The following FRMD4A variants were observed in gnomAD, a reference collection of about 807,000 sequenced individuals.
FRMD4A encodes FERM domain containing 4A.
In FRMD4A, 29 loss-of-function variants were observed where a neutral mutation model predicts 129.1. The ratio of observed to expected loss-of-function variants is 0.22; its 90% CI spans 0.17 to 0.31. The LOEUF (loss-of-function observed/expected upper bound fraction) is 0.31. Among genes scored for constraint, FRMD4A ranks in the 10% least tolerant of loss-of-function variants. The pLI is 1.00. For synonymous variants in FRMD4A, 634 were observed against 571.6 expected (o/e 1.11, Z -1.56); for missense variants, 1,272 against 1,375.8 (o/e 0.92, Z 1.19).
chr10:13,885,883 T>C (rs1050011987), intron 2 of FRMD4A, among the ~76,000 whole-genome samples: 3 of 152,180 alleles, frequency 2.0e-5, no homozygotes, highest in Non-Finnish European at 4.4e-5. Context: ...GTCTACTTCA[T>C]GTCCTCATCA....
At chr10:13,931,775 TAAA>T (rs59824238) in intron 2 of FRMD4A, among the ~76,000 whole-genome samples, 2 of 129,282 alleles carry the variant, frequency 1.5e-5, no homozygotes, top group Admixed American at 8.1e-5. Flanking sequence ...TCATCTTTAC[TAAA>T]AAAAAAAAAA....
intron 2 of FRMD4A, among the ~76,000 whole-genome samples, chr10:14,021,268 G>A (rs1183280098): frequency 3.9e-5 from 6 of 151,954 alleles, no homozygotes; most frequent in Admixed American, 3.9e-4. Context: ...GTCCAGACAT[G>A]GTGGCTCACA....
intron 16 of FRMD4A, among the ~76,000 whole-genome samples, chr10:13,672,761 T>G (rs1373804763): frequency 6.6e-6 from 1 of 152,162 alleles, no homozygotes; most frequent in African/African-American, 2.4e-5. Flanking sequence ...GCAGCGCGTC[T>G]TGATACTCTG....
intron 2 of FRMD4A, among the ~76,000 whole-genome samples, chr10:14,222,693 G>A (rs941738043): frequency 6.6e-6 from 1 of 152,110 alleles, no homozygotes; most frequent in African/African-American, 2.4e-5. Flanking sequence ...TCAGGCCATG[G>A]TATTGAGTAG....
intron 4 of FRMD4A, among the ~76,000 whole-genome samples, chr10:13,807,631 TA>T (rs2093377797): frequency 6.6e-6 from 1 of 152,188 alleles, no homozygotes; most frequent in Admixed American, 6.5e-5. Flanking sequence ...GAATACAACT[TA>T]TGGAGTGAGA....
intron 24 of FRMD4A, chr10:13,648,294 A>T (rs74566564): frequency 6.6e-6 from 1 of 152,124 alleles, no homozygotes; most frequent in Non-Finnish European, 1.5e-5. Flanking sequence ...TGGTATGTGG[A>T]TGATTCTGGG....
intron 2 of FRMD4A, among the ~76,000 whole-genome samples, chr10:14,098,053 A>C (rs1837088755): frequency 7.1e-6 from 1 of 141,726 alleles, no homozygotes; most frequent in Non-Finnish European, 1.5e-5. Flanking sequence ...ATTATTTATT[A>C]TATAAATTAT....
intron 4 of FRMD4A, among the ~76,000 whole-genome samples, chr10:13,797,339 C>T (rs577547382): frequency 2.0e-5 from 3 of 152,298 alleles, no homozygotes; most frequent in South Asian, 2.1e-4. Context: ...TGTCTGAAAA[C>T]GTTAAACTTA....
chr10:14,022,803 T>C (rs897529880), intron 2 of FRMD4A, among the ~76,000 whole-genome samples: 1 of 152,116 alleles, frequency 6.6e-6, no homozygotes, highest in African/African-American at 2.4e-5. Context: ...GGAGTGCATC[T>C]TGGAGCTGGG....
chr10:14,063,382 G>T (rs1419793963), intron 2 of FRMD4A, among the ~76,000 whole-genome samples: 1 of 151,992 alleles, frequency 6.6e-6, no homozygotes, highest in Admixed American at 6.6e-5. Flanking sequence ...CCAGACATTT[G>T]CTGTGCCATT....
intron 2 of FRMD4A, among the ~76,000 whole-genome samples, chr10:14,304,116 C>T (rs1218477): frequency 0.18 from 26,919 of 152,156 alleles, 3,151 homozygotes; most frequent in African/African-American, 0.33. Flanking sequence ...AATATCTCAA[C>T]ATCCTGCTTT....
chr10:13,785,386 C>G (rs2130789780), intron 5 of FRMD4A, among the ~76,000 whole-genome samples: 1 of 152,198 alleles, frequency 6.6e-6, no homozygotes, highest in South Asian at 2.1e-4. Context: ...GCCCATAACC[C>G]CTGCCCCTGC....
intron 2 of FRMD4A, among the ~76,000 whole-genome samples, chr10:13,920,767 G>T (rs950426759): frequency 1.3e-5 from 2 of 152,120 alleles, no homozygotes; most frequent in East Asian, 3.9e-4. Flanking sequence ...TGTACACATG[G>T]CATGTTTGTT....
At chr10:14,170,217 C>G (rs541462530) in intron 2 of FRMD4A, among the ~76,000 whole-genome samples, 1 of 152,228 alleles carries the variant, frequency 6.6e-6, no homozygotes, top group Non-Finnish European at 1.5e-5. Flanking sequence ...TAACGTGTTT[C>G]CAAAAATATA....
intron 2 of FRMD4A, among the ~76,000 whole-genome samples, chr10:14,160,379 G>A (rs1840822500): frequency 6.6e-6 from 1 of 152,090 alleles, no homozygotes; most frequent in Non-Finnish European, 1.5e-5. Context: ...ATTGGTCTCG[G>A]CAAAGGTTTT....
At chr10:14,158,327 G>A (rs1359506671) in intron 2 of FRMD4A, among the ~76,000 whole-genome samples, 3 of 152,220 alleles carry the variant, frequency 2.0e-5, no homozygotes, top group Non-Finnish European at 4.4e-5. Flanking sequence ...GATAGCCTCT[G>A]TGGTCAAGAT....
At chr10:13,720,763 C>A (rs1306689861) in intron 12 of FRMD4A, among the ~76,000 whole-genome samples, 1 of 151,992 alleles carries the variant, frequency 6.6e-6, no homozygotes, top group Non-Finnish European at 1.5e-5. Context: ...CAAAGCTGGG[C>A]AGCTATGTGA....
intron 2 of FRMD4A, among the ~76,000 whole-genome samples, chr10:14,271,862 C>T (rs1308140215): frequency 6.6e-6 from 1 of 152,174 alleles, no homozygotes; most frequent in Non-Finnish European, 1.5e-5. Flanking sequence ...GCAGTGCTCT[C>T]AGAAACTGAA....
At chr10:14,123,725 G>A (rs76941452) in intron 2 of FRMD4A, among the ~76,000 whole-genome samples, 2 of 152,310 alleles carry the variant, frequency 1.3e-5, no homozygotes, top group East Asian at 3.9e-4. Flanking sequence ...CTGTTCCTGG[G>A]AGAGGCCACA....
Sources: allele counts gnomAD v4.1 joint callset (sites outside exome capture counted in the v4.1 genomes callset), GRCh38; gene constraint gnomAD v4.1.1; transcripts MANE v1.5; gene names NCBI Gene and HGNC (gene_info 2026-07-23, HGNC 2026-07-21).